Variants in EIF4E2 observed in about 807,000 individuals in gnomAD.
The protein encoded by EIF4E2 is eukaryotic translation initiation factor 4E family member 2.
In EIF4E2, 13 loss-of-function variants were observed where a neutral mutation model predicts 34.2. The observed-to-expected ratio is 0.38, with a 90% CI of 0.25 to 0.60. The LOEUF (loss-of-function observed/expected upper bound fraction) is 0.60. Among genes scored for constraint, EIF4E2 ranks in the 20% least tolerant of loss-of-function variants. The pLI, the probability that EIF4E2 is intolerant of heterozygous loss-of-function variation, is 0.62. For missense variants in EIF4E2, 222 were observed against 315.1 expected (o/e 0.70, Z 2.24); for synonymous variants, 100 against 106.6 (o/e 0.94, Z 0.38).
chr2:232,574,200 T>C (rs1254990587), downstream of EIF4E2: 1 of 1,490,062 alleles, frequency 6.7e-7, no homozygotes, highest in Non-Finnish European at 9.2e-7. Context: ...TTGTGTCTGC[T>C]CTCTGTGTTC....
At chr2:232,576,358 G>T (rs188866155) in intron 6 of EIF4E2, among the ~76,000 whole-genome samples, 54 of 152,284 alleles carry the variant, frequency 3.5e-4, no homozygotes, top group African/African-American at 1.3e-3. Context: ...AAATGAAAGC[G>T]GAATAGTCAG....
chr2:232,550,902 C>T (rs1047473372), intron 1 of EIF4E2, 158 bp downstream of exon 1: 1 of 766,244 alleles, frequency 1.3e-6, no homozygotes, highest in African/African-American at 1.8e-5. Flanking sequence ...GAGGAGGGGG[C>T]TGGGGAGCAA....
At chr2:232,576,180 G>A (rs1332218548) in intron 6 of EIF4E2, among the ~76,000 whole-genome samples, 2 of 149,516 alleles carry the variant, frequency 1.3e-5, no homozygotes, top group East Asian at 1.9e-4. Context: ...CTCCAGCCTG[G>A]CAACAGAGCG....
chr2:232,571,907 T>C (rs1381304906), downstream of EIF4E2, among the ~76,000 whole-genome samples: 2 of 152,084 alleles, frequency 1.3e-5, no homozygotes, highest in African/African-American at 4.8e-5. Flanking sequence ...TCCCTAAGTA[T>C]AGAGAGCAGT....
At chr2:232,559,781 A>G (rs1189322473) in intron 3 of EIF4E2, among the ~76,000 whole-genome samples, 1 of 149,366 alleles carries the variant, frequency 6.7e-6, no homozygotes, top group Non-Finnish European at 1.5e-5. Flanking sequence ...CTGCCTCTAC[A>G]AAAAAAGTTT....
At chr2:232,562,195 A>G (rs867331139) in intron 3 of EIF4E2, among the ~76,000 whole-genome samples, 1 of 150,992 alleles carries the variant, frequency 6.6e-6, no homozygotes, top group Admixed American at 6.7e-5. Context: ...AGCCTGGGTA[A>G]CAGAGCAAGA....
rs566435158 is a variant in EIF4E2, at chr2:232,557,693, A to G, written c.136-191A>G. 26 of 649,800 alleles carry G rather than the reference A, an allele frequency of 4.0e-5. No individual in the cohort carries two copies. The East Asian group carries it at 6.9e-4, about 17-fold the overall frequency. The allele number at this position is 649,800 out of a possible 1,614,324, so 40.3% of individuals were successfully genotyped here. A position where few individuals can be genotyped will look rare whatever the true frequency, so the allele number is the denominator to read the frequency against. ...CATAAGAACACAGGTAAAGTGTTTC[A>G]GGAATTTAGAATCAGTTAACCACTG... On this transcript the variant is annotated intron_variant, in intron 2 of 6. Coordinates refer to ENST00000258416, the MANE Select transcript of EIF4E2 (RefSeq NM_004846.4).
chr2:232,552,322 C>T (rs1692366823), intron 1 of EIF4E2, among the ~76,000 whole-genome samples: 1 of 152,186 alleles, frequency 6.6e-6, no homozygotes, highest in African/African-American at 2.4e-5. Flanking sequence ...AGCAATCCTC[C>T]CATCTCAGCC....
chr2:232,574,446 A>C, intron 6 of EIF4E2: 1 of 1,200,760 alleles, frequency 8.3e-7, no homozygotes, highest in Non-Finnish European at 1.2e-6. Flanking sequence ...ATTGAGCCTC[A>C]GAGAAAAATA....
chr2:232,580,247 T>TTTGG (rs1693318241), intron 6 of EIF4E2, among the ~76,000 whole-genome samples: 1 of 152,172 alleles, frequency 6.6e-6, no homozygotes, highest in Non-Finnish European at 1.5e-5. Context: ...AGGATTCTTA[T>TTTGG]TTGGTTGGTT....
At chr2:232,551,700 C>A (rs16829229) in intron 1 of EIF4E2, among the ~76,000 whole-genome samples, 3,055 of 152,282 alleles carry the variant, frequency 0.02, 56 homozygotes, top group Middle Eastern at 0.068. Flanking sequence ...TGCTTGTGAA[C>A]ATTGCTAACT....
chr2:232,571,637 A>G (rs1168988329), downstream of EIF4E2, among the ~76,000 whole-genome samples: 1 of 152,168 alleles, frequency 6.6e-6, no homozygotes, highest in Non-Finnish European at 1.5e-5. Context: ...AGGGTGGGTG[A>G]TTCTCTTTAT....
At chr2:232,551,483 C>T (rs1475046325) in intron 1 of EIF4E2, among the ~76,000 whole-genome samples, 1 of 152,206 alleles carries the variant, frequency 6.6e-6, no homozygotes, top group African/African-American at 2.4e-5. Context: ...ATGTTCCTTC[C>T]TCTCTTCTAG....
chr2:232,557,772 G>A (rs1358026145), intron 2 of EIF4E2, 112 bp from the exon 3 acceptor site: 2 of 1,239,228 alleles, frequency 1.6e-6, no homozygotes, highest in Non-Finnish European at 2.3e-6. Context: ...AGTTGAGGTT[G>A]TATATCCTTT....
At chr2:232,556,375 G>A in intron 1 of EIF4E2, 41 bp from the exon 2 acceptor site, 2 of 1,540,088 alleles carry the variant, frequency 1.3e-6, no homozygotes, top group South Asian at 2.3e-5. Context: ...AGCAAGAATT[G>A]ACTTCGTCAC....
chr2:232,567,493 C>G, intron 6 of EIF4E2: 1 of 1,274,986 alleles, frequency 7.8e-7, no homozygotes, highest in Non-Finnish European at 9.9e-7. Flanking sequence ...TCTTGTCTTT[C>G]ATATGCTAAC....
At chr2:232,574,419 A>G in intron 6 of EIF4E2, 1 of 1,435,456 alleles carries the variant, frequency 7.0e-7, no homozygotes, top group Non-Finnish European at 9.6e-7. Context: ...TTTACCCCCA[A>G]ACTTGCCTCT....
At chr2:232,568,171 G>T in intron 6 of EIF4E2, 1 of 985,234 alleles carries the variant, frequency 1.0e-6, no homozygotes, top group Non-Finnish European at 1.2e-6. Flanking sequence ...TCATTAGTAA[G>T]AATATCATCA....
downstream of EIF4E2, among the ~76,000 whole-genome samples, chr2:232,572,766 A>T (rs564604767): frequency 4.6e-5 from 7 of 152,304 alleles, no homozygotes; most frequent in African/African-American, 1.7e-4. Context: ...ATGGAGTAGG[A>T]GGGAGCTGTG....
Sources: gnomAD v4.1 joint callset for allele counts (sites outside exome capture counted in the v4.1 genomes callset) on GRCh38, gnomAD v4.1.1 for gene constraint, MANE v1.5 for transcripts, NCBI Gene and HGNC (gene_info 2026-07-23, HGNC 2026-07-21) for gene names.